ARHGEF10: variants seen among roughly 807,000 people sequenced by gnomAD.
The protein encoded by ARHGEF10 is Rho guanine nucleotide exchange factor 10, also known as Rho guanine nucleotide exchange factor (GEF) 10.
Under a neutral mutation model 147.4 loss-of-function variants are expected in ARHGEF10, and 140 were observed. That is an observed-to-expected ratio of 0.95 (90% CI 0.83 to 1.09). ARHGEF10 has a LOEUF of 1.09. ARHGEF10 is among the 50% of genes least tolerant of loss of function. The probability of loss-of-function intolerance (pLI) is 0.00; values close to 1 mark genes in which losing one functional copy is unlikely to be tolerated. For synonymous variants in ARHGEF10, 902 were observed against 695.8 expected (o/e 1.30, Z -4.67); for missense variants, 2,222 against 1,752.7 (o/e 1.27, Z -4.78).
rs1398279350 is a variant in ARHGEF10, at chr8:1,850,184, A to AGGGTGTG, written c.37+6751_37+6752insTGTGGGG. Among the ~76,000 whole-genome samples the AGGGTGTG allele has an allele frequency of 3.2e-4, 44 of 139,422 alleles. 12 individuals carry two copies. The highest frequency in any genetic ancestry group is 4.8e-4 in the Non-Finnish European group (30 of 62,126). 91.5% of individuals were successfully genotyped at this position (139,422 alleles called of 152,430 possible). A position where few individuals can be genotyped will look rare whatever the true frequency, so the allele number is the denominator to read the frequency against. Reference sequence around the variant, plus strand: ...TGGACACAGAGGGCAAATGCTGAGGAGGGCGTGGGGCGGCCACATGGGCAT... The same window carrying AGGGTGTG: ...TGGACACAGAGGGCAAATGCTGAGGAGGGTGTGGGGCGTGGGGCGGCCACATGGGCAT... On this transcript the variant is annotated intron_variant, in intron 2 of 28. Transcript: ENST00000349830.
chr8:1,897,772 G>C (rs1301837320), intron 14 of ARHGEF10, among the ~76,000 whole-genome samples: 1 of 152,200 alleles, frequency 6.6e-6, no homozygotes, highest in Non-Finnish European at 1.5e-5. Flanking sequence ...AAGGATGCCA[G>C]CCGTGGCCGT....
chr8:1,829,819 G>C (rs1287605333), intron 1 of ARHGEF10, among the ~76,000 whole-genome samples: 1 of 152,214 alleles, frequency 6.6e-6, no homozygotes, highest in African/African-American at 2.4e-5. Context: ...GGAAGAACGC[G>C]CGGCGAGGCC....
chr8:1,906,867 G>A (rs1051883104), intron 17 of ARHGEF10, among the ~76,000 whole-genome samples: 5 of 152,306 alleles, frequency 3.3e-5, no homozygotes, highest in Admixed American at 6.5e-5. Context: ...TTTCATCATC[G>A]TCAGTGACTT....
intron 2 of ARHGEF10, among the ~76,000 whole-genome samples, chr8:1,851,928 T>A (rs921694010): frequency 1.1e-4 from 17 of 150,312 alleles, no homozygotes; most frequent in Admixed American, 1.1e-3. Context: ...AAAAAAAAAA[T>A]TAATAACCAA....
intron 2 of ARHGEF10, among the ~76,000 whole-genome samples, chr8:1,855,498 C>T (rs186356591): frequency 2.0e-5 from 3 of 152,102 alleles, no homozygotes; most frequent in African/African-American, 2.4e-5. Context: ...CCTCCCACCT[C>T]AGCCTTCGGA....
intron 2 of ARHGEF10, among the ~76,000 whole-genome samples, chr8:1,851,513 G>T (rs7015965): frequency 0.078 from 11,815 of 152,044 alleles, 744 homozygotes; most frequent in East Asian, 0.17. Flanking sequence ...GGATAGTGTT[G>T]GGGGAGGCTC....
At chr8:1,878,404 C>T (rs889614387) in intron 8 of ARHGEF10, among the ~76,000 whole-genome samples, 11 of 152,106 alleles carry the variant, frequency 7.2e-5, no homozygotes, top group African/African-American at 2.7e-4. Flanking sequence ...CCAGGCTGGT[C>T]TCGAACTCCT....
intron 18 of ARHGEF10, among the ~76,000 whole-genome samples, chr8:1,918,301 C>G (rs1811910177): frequency 6.6e-6 from 1 of 152,046 alleles, no homozygotes. Flanking sequence ...CCTGAGGTGC[C>G]CTATTATGAA....
chr8:1,885,300 A>G (rs1466597330), intron 10 of ARHGEF10, among the ~76,000 whole-genome samples: 1 of 152,234 alleles, frequency 6.6e-6, no homozygotes, highest in African/African-American at 2.4e-5. Flanking sequence ...ATATTCTAAA[A>G]CACTAAGATT....
rs926932472 is a variant in ARHGEF10 at position 1,937,853 on chromosome 8, A to G, written c.3222+3911A>G. On this transcript the variant is annotated intron_variant, in intron 26 of 28. Transcript: ENST00000349830. This position sits in a 1 kb window ranked among gnomAD's most constrained non-coding sequence, Gnocchi z 4.9. ...GAGCGGGTTGGGAGATGCTAGCCAT[A>G]TTTGGAAGAAAAAGGCACCTGAGGC... 2.0e-5 allele frequency among the ~76,000 whole-genome samples: 3 copies of G among 152,192 alleles called. No individual in the cohort carries two copies. Among genetic ancestry groups the G allele is most frequent in the Non-Finnish European group, 4.4e-5 (3 of 68,024 alleles).
chr8:1,923,898 G>C, intron 21 of ARHGEF10, 24 bp downstream of exon 21: 1 of 1,607,382 alleles, frequency 6.2e-7, no homozygotes, highest in Non-Finnish European at 8.5e-7. Context: ...GGCTGAGGCT[G>C]AATGAGGCAT....
At chr8:1,919,482 AGTGATGGAGCTGTTCCGTGG>A (rs1253184373) in intron 18 of ARHGEF10, among the ~76,000 whole-genome samples, 2 of 103,904 alleles carry the variant, frequency 1.9e-5, no homozygotes, top group East Asian at 3.3e-4. Context: ...TGTTCTGTCC[AGTGATGGAGCTGTTCCGTGG>A]GTGATGGAGC....
intron 22 of ARHGEF10, among the ~76,000 whole-genome samples, chr8:1,925,752 C>T (rs546857836): frequency 1.3e-5 from 2 of 152,228 alleles, no homozygotes; most frequent in South Asian, 2.1e-4. Context: ...CACAGTGGAT[C>T]GTAACTCCAG....
intron 7 of ARHGEF10, chr8:1,869,809 C>G (rs1223845629): frequency 1.6e-5 from 3 of 182,346 alleles, no homozygotes; most frequent in African/African-American, 7.1e-5. Flanking sequence ...AACCGCTATT[C>G]CACTGACCCA....
chr8:1,876,032 TTG>T (rs1206992034), intron 7 of ARHGEF10: 1 of 164,032 alleles, frequency 6.1e-6, no homozygotes, highest in Non-Finnish European at 1.3e-5. Flanking sequence ...TCTAAAAGTC[TTG>T]TTAGTGTCAC....
chr8:1,932,162 T>C (rs1217513848), intron 25 of ARHGEF10, among the ~76,000 whole-genome samples: 2 of 152,228 alleles, frequency 1.3e-5, no homozygotes, highest in African/African-American at 4.8e-5. Context: ...ATTGTAGCTC[T>C]GCCCTGAGCC....
intron 9 of ARHGEF10, 142 bp downstream of exon 9, chr8:1,880,306 GCTCA>G (rs1216923519): frequency 2.9e-6 from 2 of 687,138 alleles, no homozygotes; most frequent in Admixed American, 2.1e-5. Flanking sequence ...ACGCTTTGGG[GCTCA>G]CGTGGACTCT....
chr8:1,925,473 G>A (rs1812619893), intron 22 of ARHGEF10, 69 bp downstream of exon 22: 8 of 1,600,306 alleles, frequency 5.0e-6, no homozygotes, highest in Admixed American at 3.4e-5. Context: ...CCACTTGGGA[G>A]ATGATTCTTA....
At chr8:1,826,159 G>A (rs565838281) in intron 1 of ARHGEF10, 9 of 1,581,924 alleles carry the variant, frequency 5.7e-6, no homozygotes, top group Non-Finnish European at 7.7e-6. Flanking sequence ...TTTGTATAAG[G>A]TGCTATTTGT....
Sources: gnomAD v4.1 joint callset for allele counts (sites outside exome capture counted in the v4.1 genomes callset) on GRCh38, gnomAD v4.1.1 for gene constraint, Gnocchi (gnomAD v3.1) non-coding constraint, MANE v1.5 for transcripts, NCBI Gene and HGNC (gene_info 2026-07-23, HGNC 2026-07-21) for gene names.